MAPK4: variants seen among roughly 807,000 people sequenced by gnomAD.
MAPK4 encodes mitogen-activated protein kinase 4, also known as Erk3-related.
A neutral mutation model predicts 47.7 loss-of-function variants in MAPK4; 22 were observed. The observed-to-expected ratio is 0.46, with a 90% confidence interval of 0.33 to 0.66. The LOEUF (loss-of-function observed/expected upper bound fraction) is 0.66, where lower values mean the gene tolerates loss of function less well. MAPK4 is among the 30% of genes least tolerant of loss of function. MAPK4 has a pLI of 0.02. For synonymous variants in MAPK4, 390 were observed against 365.7 expected, an observed-to-expected ratio of 1.07 and a Z score of -0.76; for missense variants, 736 against 831.7, an observed-to-expected ratio of 0.88 and a Z score of 1.42.
chr18:50,577,357 G>A lies in MAPK4; in HGVS notation c.-871+17114G>A, dbSNP rs115516889. Among the ~76,000 whole-genome samples, 1,178 of 152,158 alleles carry A rather than the reference G, an allele frequency of 7.7e-3. 8 individuals are homozygous for A. Among genetic ancestry groups the A allele is most frequent in the African/African-American group, 0.027 (1,105 of 41,472 alleles). On this transcript the variant is annotated intron_variant, in intron 1 of 5. Transcript: ENST00000400384. Reference sequence around the variant, plus strand: ...CCCTAGAGATTCTGATTTATATGGCGTGGGGTCCAGACATCAGTTTTATTT... The same window carrying A: ...CCCTAGAGATTCTGATTTATATGGCATGGGGTCCAGACATCAGTTTTATTT...
At chr18:50,568,012 C>T (rs537373837) in intron 1 of MAPK4, among the ~76,000 whole-genome samples, 8 of 151,770 alleles carry the variant, frequency 5.3e-5, no homozygotes, top group East Asian at 1.9e-4. Context: ...CTGGCTAACA[C>T]GGTGAAACCC....
At chr18:50,726,206 A>C (rs1340191786) in intron 5 of MAPK4, 31 bp downstream of exon 5, 8 of 1,602,044 alleles carry the variant, frequency 5.0e-6, no homozygotes, top group African/African-American at 1.3e-5. Flanking sequence ...CAGAGCCCAC[A>C]TTTCCCTGTC....
At chr18:50,566,242 G>A (rs556181720) in intron 1 of MAPK4, among the ~76,000 whole-genome samples, 1 of 152,320 alleles carries the variant, frequency 6.6e-6, no homozygotes, top group South Asian at 2.1e-4. Flanking sequence ...TATTTAAACA[G>A]GTCTGATTTG....
At position 50,729,411 on chromosome 18, in the gene MAPK4, C is replaced by A; in HGVS notation, c.1321C>A (p.Leu441Met). The A allele has an allele frequency of 6.4e-7, 1 of 1,557,026 alleles. No homozygotes were observed. Among genetic ancestry groups the A allele is most frequent in the Non-Finnish European group, 8.7e-7 (1 of 1,152,982 alleles). ...KVGSPSYLDKLLWRDNKPHHY... is the reference protein window; with the variant it reads ...KVGSPSYLDKMLWRDNKPHHY... Reference sequence around the variant, plus strand: ...GGGGTCGCCGTCCTACCTGGACAAGCTGCTGTGGCGCGACAACAAGCCGCA... The same window carrying A: ...GGGGTCGCCGTCCTACCTGGACAAGATGCTGTGGCGCGACAACAAGCCGCA... The change falls in exon 6 of 6, where the codon CTG (leucine) becomes ATG (methionine). Residue 441 changes from leucine to methionine, a missense_variant. By Grantham distance (15) the Leu-to-Met change is conservative. This residue lies in a region of MAPK4 where 377 missense variants were observed against 378.6 expected (regional missense o/e 1.00). Coordinates refer to ENST00000400384, the MANE Select transcript of MAPK4 (RefSeq NM_002747.4).
chr18:50,713,708 C>G (rs1336037770), intron 2 of MAPK4, among the ~76,000 whole-genome samples: 2 of 152,166 alleles, frequency 1.3e-5, no homozygotes, highest in Non-Finnish European at 2.9e-5. Context: ...GCGTGTCAGC[C>G]GGTAGCACCA....
At chr18:50,715,673 A>G (rs889974454) in intron 3 of MAPK4, among the ~76,000 whole-genome samples, 3 of 152,200 alleles carry the variant, frequency 2.0e-5, no homozygotes, top group African/African-American at 2.4e-5. Context: ...ATCATCTATG[A>G]AGTATGGGCC....
At chr18:50,619,081 A>T (rs1598832496) in intron 1 of MAPK4, among the ~76,000 whole-genome samples, 1 of 152,358 alleles carries the variant, frequency 6.6e-6, no homozygotes, top group East Asian at 1.9e-4. Flanking sequence ...GCAAAAAGAA[A>T]ACTATGTGAA....
At chr18:50,702,161 CAAAAAAAAAAAA>C (rs36001271) in intron 2 of MAPK4, among the ~76,000 whole-genome samples, 4 of 95,926 alleles carry the variant, frequency 4.2e-5, no homozygotes, top group Admixed American at 3.8e-4. Flanking sequence ...GATTCTGTCT[CAAAAAAAAAAAA>C]AAAAAAAAAA....
At chr18:50,666,391 T>G (rs892583550) in intron 2 of MAPK4, among the ~76,000 whole-genome samples, 2 of 152,212 alleles carry the variant, frequency 1.3e-5, no homozygotes, top group Admixed American at 1.3e-4. Flanking sequence ...CTCCTCTGGC[T>G]TATGGTTAAG....
intron 2 of MAPK4, among the ~76,000 whole-genome samples, chr18:50,702,459 A>G (rs539111448): frequency 6.6e-6 from 1 of 152,320 alleles, no homozygotes; most frequent in Non-Finnish European, 1.5e-5. Context: ...GCATGTTTAC[A>G]TTTGCTGCCA....
intron 1 of MAPK4, among the ~76,000 whole-genome samples, chr18:50,651,978 C>T (rs555829705): frequency 2.6e-4 from 39 of 152,348 alleles, no homozygotes; most frequent in African/African-American, 8.4e-4. Flanking sequence ...CCACTTAATT[C>T]GCGATGGGTG....
At chr18:50,648,904 G>A (rs147943804) in intron 1 of MAPK4, among the ~76,000 whole-genome samples, 25 of 152,304 alleles carry the variant, frequency 1.6e-4, no homozygotes, top group African/African-American at 6.0e-4. Flanking sequence ...TCAAAGGAAG[G>A]TAGAGAGAAC....
rs1168138203 is a variant in MAPK4 at position 50,678,879 on chromosome 18, G to A, written c.546+14375G>A. On this transcript the variant is annotated intron_variant, in intron 2 of 5. Coordinates refer to ENST00000400384, the MANE Select transcript of MAPK4 (RefSeq NM_002747.4). The surrounding 1 kb of genome is among the most constrained non-coding windows in gnomAD (Gnocchi z 4.2). ...CCCACCTTTGGCTTTCAGATGACAC[G>A]GCCAGCAGGTTTTCTGGGGTATGGG... 2.0e-5 allele frequency among the ~76,000 whole-genome samples: 3 copies of A among 152,126 alleles called. No individual in the cohort carries two copies. Among genetic ancestry groups the A allele is most frequent in the Admixed American group, 6.5e-5 (1 of 15,276 alleles).
intron 2 of MAPK4, among the ~76,000 whole-genome samples, chr18:50,680,263 T>A (rs142239849): frequency 0.012 from 1,886 of 151,872 alleles, 44 homozygotes; most frequent in African/African-American, 0.043. Flanking sequence ...AGCTGATTTT[T>A]GTATTTTTGG....
At chr18:50,703,424 G>A (rs1909890799) in intron 2 of MAPK4, among the ~76,000 whole-genome samples, 1 of 152,194 alleles carries the variant, frequency 6.6e-6, no homozygotes, top group African/African-American at 2.4e-5. Context: ...CCTGCCTTCA[G>A]CATCTTCTGT....
intron 1 of MAPK4, among the ~76,000 whole-genome samples, chr18:50,570,546 C>G (rs1047820234): frequency 6.6e-6 from 1 of 152,146 alleles, no homozygotes; most frequent in African/African-American, 2.4e-5. Context: ...AACTGGACCC[C>G]AAAATGTTCA....
At chr18:50,677,567 GT>G (rs201686461) in intron 2 of MAPK4, among the ~76,000 whole-genome samples, 3 of 146,358 alleles carry the variant, frequency 2.0e-5, no homozygotes, top group South Asian at 2.2e-4. Flanking sequence ...TTTTTTTGTT[GT>G]TTTTTTTTTG....
intron 2 of MAPK4, among the ~76,000 whole-genome samples, chr18:50,670,538 C>T (rs1907881985): frequency 6.6e-6 from 1 of 152,120 alleles, no homozygotes; most frequent in South Asian, 2.1e-4. Flanking sequence ...GGGCAGATCA[C>T]TTGAGGTTAG....
intron 1 of MAPK4, among the ~76,000 whole-genome samples, chr18:50,612,512 C>T (rs2042648122): frequency 6.6e-6 from 1 of 152,098 alleles, no homozygotes; most frequent in Non-Finnish European, 1.5e-5. Context: ...GGGCATAGAA[C>T]AAGAGCTGTA....
Sources: allele counts gnomAD v4.1 joint callset (sites outside exome capture counted in the v4.1 genomes callset), GRCh38; gene constraint gnomAD v4.1.1; regional missense constraint gnomAD v4.1.1; non-coding constraint Gnocchi (gnomAD v3.1); transcripts MANE v1.5; gene names NCBI Gene and HGNC (gene_info 2026-07-23, HGNC 2026-07-21).